TTLL5: variants seen among roughly 807,000 people sequenced by gnomAD.
TTLL5 encodes tubulin polyglutamylase TTLL5.
Under a neutral mutation model 168.4 loss-of-function variants are expected in TTLL5, and 132 were observed. The ratio of observed to expected loss-of-function variants is 0.78; its 90% CI spans 0.68 to 0.91. The LOEUF is 0.91. Ranked by LOEUF, TTLL5 falls within the 40% of genes least tolerant of loss-of-function variation. The pLI, the probability that TTLL5 is intolerant of heterozygous loss-of-function variation, is 0.00. For synonymous variants in TTLL5, 546 were observed against 558.6 expected, an observed-to-expected ratio of 0.98 and a Z score of 0.32; for missense variants, 1,545 against 1,581.5, an observed-to-expected ratio of 0.98 and a Z score of 0.39.
intron 17 of TTLL5, among the ~76,000 whole-genome samples, chr14:75,751,229 C>A (rs1889927229): frequency 6.6e-6 from 1 of 152,192 alleles, no homozygotes; most frequent in Admixed American, 6.5e-5. Context: ...GCAAAACTAG[C>A]ATGAATTTCT....
At chr14:75,855,000 C>G (rs1897057845) in intron 28 of TTLL5, among the ~76,000 whole-genome samples, 1 of 151,940 alleles carries the variant, frequency 6.6e-6, no homozygotes, top group Non-Finnish European at 1.5e-5. Context: ...TTTTGATGAG[C>G]AGAAATGTCT....
At chr14:75,838,815 T>A (rs1896040303) in intron 28 of TTLL5, 1 of 152,690 alleles carries the variant, frequency 6.5e-6, no homozygotes, top group African/African-American at 2.4e-5. Flanking sequence ...TTCCATTGGA[T>A]CCTTGCTGCA....
chr14:75,889,786 C>T (rs1165245542), intron 30 of TTLL5, among the ~76,000 whole-genome samples: 7 of 133,964 alleles, frequency 5.2e-5, no homozygotes, highest in Admixed American at 8.4e-5. Flanking sequence ...GCCAAGATTG[C>T]GCCACTGCAC....
At chr14:75,826,332 C>CACACA in intron 28 of TTLL5, among the ~76,000 whole-genome samples, 1 of 150,562 alleles carries the variant, frequency 6.6e-6, no homozygotes, top group East Asian at 1.9e-4. Flanking sequence ...CACACACACA[C>CACACA]GAGTCTTTGT....
At chr14:75,837,342 T>A (rs1895924688) in intron 28 of TTLL5, 1 of 152,030 alleles carries the variant, frequency 6.6e-6, no homozygotes, top group Non-Finnish European at 1.5e-5. Flanking sequence ...CAACAGAGAG[T>A]AGGGTAGAAG....
At chr14:75,736,349 T>A (rs1888906438) in intron 15 of TTLL5, among the ~76,000 whole-genome samples, 1 of 152,210 alleles carries the variant, frequency 6.6e-6, no homozygotes, top group Non-Finnish European at 1.5e-5. Context: ...GGAGTAGTGC[T>A]ATTTTCTGTT....
At chr14:75,669,193 A>G (rs947833639) in intron 2 of TTLL5, among the ~76,000 whole-genome samples, 1 of 152,214 alleles carries the variant, frequency 6.6e-6, no homozygotes, top group Non-Finnish European at 1.5e-5. Context: ...ATGATGAAGT[A>G]TCTTGATTGG....
intron 28 of TTLL5, among the ~76,000 whole-genome samples, chr14:75,832,983 A>G (rs1267465326): frequency 6.6e-6 from 1 of 152,050 alleles, no homozygotes; most frequent in Non-Finnish European, 1.5e-5. Flanking sequence ...TCCAGTTCCC[A>G]GTTTCAGCGG....
At chr14:75,719,629 TAA>T in intron 10 of TTLL5, 104 bp from the exon 11 acceptor site, 2 of 883,784 alleles carry the variant, frequency 2.3e-6, no homozygotes, top group Non-Finnish European at 3.2e-6. Flanking sequence ...CAAAGTGAAT[TAA>T]AAAAAAAACT....
intron 17 of TTLL5, among the ~76,000 whole-genome samples, chr14:75,748,245 C>G (rs1216880247): frequency 7.3e-6 from 1 of 137,554 alleles, no homozygotes; most frequent in Non-Finnish European, 1.5e-5. Context: ...AAGCAGAATT[C>G]TATTGTTTTG....
rs3034073 is a variant in TTLL5 at position 75,928,342 on chromosome 14, CATAT to C, written c.3824-26059_3824-26056del. ...CTCTGTGATGAATGAATGACAAAAA[CATAT>C]ATATATATATATATATATATATCAC... On this transcript the variant is annotated intron_variant, in intron 31 of 31. Coordinates refer to ENST00000298832, the MANE Select transcript of TTLL5 (RefSeq NM_015072.5). 1.7e-3 allele frequency among the ~76,000 whole-genome samples: 143 copies of C among 82,006 alleles called. 8 individuals are homozygous for C. Among genetic ancestry groups the C allele is most frequent in the East Asian group, 7.8e-3 (19 of 2,438 alleles). 53.8% of individuals were successfully genotyped at this position (82,006 alleles called of 152,430 possible).
At chr14:75,890,867 G>A (rs1224572299) in intron 30 of TTLL5, among the ~76,000 whole-genome samples, 1 of 152,092 alleles carries the variant, frequency 6.6e-6, no homozygotes, top group Admixed American at 6.5e-5. Context: ...CTACAGGCAT[G>A]CACCACCAAG....
intron 28 of TTLL5, among the ~76,000 whole-genome samples, chr14:75,855,817 C>T (rs1439675950): frequency 1.3e-5 from 2 of 152,222 alleles, no homozygotes; most frequent in Non-Finnish European, 2.9e-5. Context: ...AACACATACA[C>T]ACACATTCTT....
intron 18 of TTLL5, 107 bp downstream of exon 18, chr14:75,753,062 G>C (rs752355294): frequency 1.5e-5 from 17 of 1,125,280 alleles, no homozygotes; most frequent in Non-Finnish European, 2.0e-5. Context: ...TAAAATCTCT[G>C]CTAGAAAAAA....
rs2034886931 is a variant in TTLL5, at chr14:75,949,469, C to T, written c.3824-4955C>T. Among the ~76,000 whole-genome samples the T allele has an allele frequency of 6.8e-5, 8 of 116,966 alleles. No homozygotes were observed. The South Asian group carries it at 1.9e-3, about 27-fold the overall frequency. The allele number at this position is 116,966 out of a possible 152,430, so 76.7% of individuals were successfully genotyped here. ...TATTCTATATCCTATATATATATAA[C>T]CTTATATAAAGAATATATATATATA... On this transcript the variant is annotated intron_variant, in intron 31 of 31. Transcript: ENST00000298832.
At chr14:75,709,367 C>A (rs1448657230) in intron 9 of TTLL5, 1 of 586,980 alleles carries the variant, frequency 1.7e-6, no homozygotes. Context: ...ACTAACCAAA[C>A]CTCGCTGGTG....
chr14:75,947,769 A>T (rs1033350863), intron 31 of TTLL5, among the ~76,000 whole-genome samples: 1 of 151,948 alleles, frequency 6.6e-6, no homozygotes, highest in African/African-American at 2.4e-5. Flanking sequence ...ACAAAGTGAG[A>T]CCGTCTCTCC....
chr14:75,688,922 G>A (rs923047791), intron 5 of TTLL5, among the ~76,000 whole-genome samples: 6 of 152,162 alleles, frequency 3.9e-5, no homozygotes, highest in African/African-American at 9.7e-5. Flanking sequence ...TGTGGTGATT[G>A]TAAAATGTGT....
At chr14:75,722,891 A>G (rs1297148776) in intron 12 of TTLL5, among the ~76,000 whole-genome samples, 1 of 152,174 alleles carries the variant, frequency 6.6e-6, no homozygotes, top group African/African-American at 2.4e-5. Flanking sequence ...AATAAATTAC[A>G]GACATTTTTC....
Sources: allele counts gnomAD v4.1 joint callset (sites outside exome capture counted in the v4.1 genomes callset), GRCh38; gene constraint gnomAD v4.1.1; transcripts MANE v1.5; gene names NCBI Gene and HGNC (gene_info 2026-07-23, HGNC 2026-07-21).